The following HSDL2 variants were observed in gnomAD, a reference collection of about 807,000 sequenced individuals.
HSDL2 encodes the protein hydroxysteroid dehydrogenase like 2.
A neutral mutation model predicts 46.3 loss-of-function variants in HSDL2; 27 were observed. The observed-to-expected ratio is 0.58, with a 90% CI of 0.43 to 0.80. The LOEUF (loss-of-function observed/expected upper bound fraction) is 0.80. Among genes scored for constraint, HSDL2 ranks in the 30% least tolerant of loss-of-function variants. The pLI is 0.00. For missense variants in HSDL2, 451 were observed against 502.7 expected (o/e 0.90, Z 0.98); for synonymous variants, 153 against 163.6 (o/e 0.94, Z 0.50).
At chr9:112,433,240 T>G (rs796999818) in intron 6 of HSDL2, among the ~76,000 whole-genome samples, 5 of 152,180 alleles carry the variant, frequency 3.3e-5, no homozygotes, top group African/African-American at 7.2e-5. Context: ...CATGCAAAGA[T>G]TGCAGTTTGG....
intron 6 of HSDL2, among the ~76,000 whole-genome samples, chr9:112,424,116 T>C (rs1171301868): frequency 2.0e-5 from 3 of 151,216 alleles, no homozygotes; most frequent in African/African-American, 4.8e-5. Context: ...GTCAGGAGAT[T>C]GAGACCGTCC....
intron 4 of HSDL2, among the ~76,000 whole-genome samples, chr9:112,415,968 C>T (rs546185839): frequency 6.6e-6 from 1 of 152,084 alleles, no homozygotes; most frequent in South Asian, 2.1e-4. Context: ...ATTAGCCGGA[C>T]GTGGTGGCGG....
chr9:112,405,838 G>A lies in HSDL2; in HGVS notation c.280+116G>A, dbSNP rs536993009. On this transcript the variant is annotated intron_variant, in intron 3 of 10. Transcript: ENST00000398805. ...ATTTTCTGAGTCTTTGGAGAAATAC[G>A]TATTTGCTCACACAGAACATGATTT... 6.4e-5 allele frequency: 42 copies of A among 661,034 alleles called. 1 individual carries two copies. The highest frequency in any genetic ancestry group is 4.5e-4 in the South Asian group (23 of 51,566). 40.9% of individuals were successfully genotyped at this position (661,034 alleles called of 1,614,324 possible).
intron 3 of HSDL2, among the ~76,000 whole-genome samples, chr9:112,406,399 T>C (rs7042825): frequency 0.91 from 138,783 of 152,198 alleles, 63,354 homozygotes; most frequent in South Asian, 0.96. Flanking sequence ...GTGGTTAAAT[T>C]TCATCTTCTT....
At chr9:112,436,959 T>C (rs894686972) in intron 6 of HSDL2, among the ~76,000 whole-genome samples, 7 of 126,594 alleles carry the variant, frequency 5.5e-5, no homozygotes, top group African/African-American at 2.2e-4. Flanking sequence ...TTTCTTTTTT[T>C]CTTTTTTTTT....
rs1296213708 is a variant in HSDL2 at position 112,433,019 on chromosome 9, C to T, written c.599-5412C>T. Reference sequence around the variant, plus strand: ...AGAACTCCTGACCTCAAGTGATCCACCCACCTCAGCCTCCCAAAGTGCTGG... The same window carrying T: ...AGAACTCCTGACCTCAAGTGATCCATCCACCTCAGCCTCCCAAAGTGCTGG... On this transcript the variant is annotated intron_variant, in intron 6 of 10. Coordinates refer to ENST00000398805, the MANE Select transcript of HSDL2 (RefSeq NM_032303.5). Among the ~76,000 whole-genome samples the T allele has an allele frequency of 4.6e-5, 7 of 152,214 alleles. No individual in the cohort carries two copies. The East Asian group carries it at 1.2e-3, about 25-fold the overall frequency.
At chr9:112,383,070 T>A (rs1831134072) in intron 1 of HSDL2, among the ~76,000 whole-genome samples, 1 of 151,968 alleles carries the variant, frequency 6.6e-6, no homozygotes, top group Non-Finnish European at 1.5e-5. Flanking sequence ...ACCGAGATCT[T>A]TCTTTCTGTC....
At chr9:112,410,680 A>C (rs970731439) in intron 4 of HSDL2, among the ~76,000 whole-genome samples, 2 of 151,958 alleles carry the variant, frequency 1.3e-5, no homozygotes, top group Non-Finnish European at 2.9e-5. Flanking sequence ...TAATCCCAGC[A>C]CTTTGGGAGG....
chr9:112,431,261 G>A (rs1832389685), intron 6 of HSDL2, among the ~76,000 whole-genome samples: 1 of 151,926 alleles, frequency 6.6e-6, no homozygotes, highest in East Asian at 1.9e-4. Flanking sequence ...CAGGAGAGCG[G>A]TCCAGGTTGG....
At chr9:112,462,236 G>T (rs1833231748) in intron 10 of HSDL2, among the ~76,000 whole-genome samples, 1 of 152,204 alleles carries the variant, frequency 6.6e-6, no homozygotes, top group African/African-American at 2.4e-5. Flanking sequence ...GGCCAAGGCA[G>T]GTGGATGACT....
In HSDL2 at chr9:112,404,260, A is replaced by T. The variant is rs1340174682; in HGVS notation, c.181+102A>T. ...TTAAAGCTATTTGAAAGCTACCCTG[A>T]ACATAATTTTATCTAGTGAAAGAAG... is the stretch of plus-strand genomic sequence containing the variant. On this transcript the variant is annotated intron_variant, in intron 2 of 10. Transcript: ENST00000398805. 7.1e-6 allele frequency: 8 copies of T among 1,128,684 alleles called. No homozygotes were observed. The East Asian group carries it at 1.8e-4, about 25-fold the overall frequency. The allele number at this position is 1,128,684 out of a possible 1,614,324, so 69.9% of individuals were successfully genotyped here.
chr9:112,417,520 C>A (rs1832020797), intron 5 of HSDL2, among the ~76,000 whole-genome samples: 1 of 149,974 alleles, frequency 6.7e-6, no homozygotes, highest in Non-Finnish European at 1.5e-5. Context: ...TATTACCTTT[C>A]ATAGCAAACT....
At chr9:112,442,693 T>C (rs1170810761) in intron 8 of HSDL2, among the ~76,000 whole-genome samples, 1 of 152,104 alleles carries the variant, frequency 6.6e-6, no homozygotes, top group Non-Finnish European at 1.5e-5. Flanking sequence ...TGGCTGTGCT[T>C]CTTCTGGGCC....
chr9:112,432,529 G>A (rs1331577510), intron 6 of HSDL2, among the ~76,000 whole-genome samples: 1 of 152,200 alleles, frequency 6.6e-6, no homozygotes, highest in East Asian at 1.9e-4. Flanking sequence ...TCTGGACAAA[G>A]CTTATATAAT....
At chr9:112,424,320 CAAA>C (rs34751911) in intron 6 of HSDL2, among the ~76,000 whole-genome samples, 1 of 125,238 alleles carries the variant, frequency 8.0e-6, no homozygotes. Flanking sequence ...GATTCCATCT[CAAA>C]AAAAAAAAAA....
At chr9:112,445,243 T>C (rs1832731125) in intron 8 of HSDL2, among the ~76,000 whole-genome samples, 1 of 152,148 alleles carries the variant, frequency 6.6e-6, no homozygotes, top group Admixed American at 6.6e-5. Context: ...CAGAAACACT[T>C]ATTCTTACCT....
chr9:112,455,344 C>T (rs1038794236), intron 9 of HSDL2, among the ~76,000 whole-genome samples: 2 of 151,848 alleles, frequency 1.3e-5, no homozygotes, highest in African/African-American at 4.8e-5. Context: ...GTCCTCTCTG[C>T]TTTATCTTAG....
chr9:112,401,826 T>C (rs1338173657), intron 1 of HSDL2, among the ~76,000 whole-genome samples: 2 of 152,246 alleles, frequency 1.3e-5, no homozygotes, highest in Non-Finnish European at 2.9e-5. Flanking sequence ...TTAATTTTGT[T>C]CATTAAACAA....
At chr9:112,468,410 A>G (rs1447844523) in intron 10 of HSDL2, among the ~76,000 whole-genome samples, 1 of 152,092 alleles carries the variant, frequency 6.6e-6, no homozygotes, top group African/African-American at 2.4e-5. Context: ...TTCACCTTCT[A>G]GGAGATCGAC....
Sources: gnomAD v4.1 joint callset for allele counts (sites outside exome capture counted in the v4.1 genomes callset) on GRCh38, gnomAD v4.1.1 for gene constraint, MANE v1.5 for transcripts, NCBI Gene and HGNC (gene_info 2026-07-23, HGNC 2026-07-21) for gene names.